Variants in CCNF observed in about 807,000 individuals in gnomAD.
The protein encoded by CCNF is cyclin F.
A neutral mutation model predicts 85.4 loss-of-function variants in CCNF; 30 were observed. The observed-to-expected ratio is 0.35, with a 90% confidence interval of 0.26 to 0.48. CCNF has a LOEUF of 0.48. Ranked by LOEUF, CCNF falls within the 20% of genes least tolerant of loss-of-function variation. CCNF has a pLI of 0.99. For missense variants in CCNF, 919 were observed against 1,010.4 expected, an observed-to-expected ratio of 0.91 and a Z score of 1.23; for synonymous variants, 439 against 425.1, an observed-to-expected ratio of 1.03 and a Z score of -0.40.
intron 10 of CCNF, among the ~76,000 whole-genome samples, chr16:2,448,404 T>A (rs2065373721): frequency 6.6e-6 from 1 of 152,200 alleles, no homozygotes; most frequent in East Asian, 1.9e-4. Flanking sequence ...CCCTTTGTTA[T>A]TATTATGATG....
Position 2,455,334 on chromosome 16 carries a change from G to A in CCNF, c.1716-61G>A, listed in dbSNP as rs113528306. On this transcript the variant is annotated intron_variant, in intron 15 of 16. Transcript: ENST00000397066. ...GCGGGTGTTAGAGGCAGGTGTGGAG[G>A]GCCTGGCCTCCCAGCGCCGCCGTCC... is the stretch of plus-strand genomic sequence containing the variant. 3.8e-3 allele frequency: 5,643 copies of A among 1,490,054 alleles called. 37 individuals are homozygous for A. The highest frequency in any genetic ancestry group is 0.017 in the South Asian group (1,265 of 72,304). The allele number at this position is 1,490,054 out of a possible 1,614,324, so 92.3% of individuals were successfully genotyped here.
rs1337596521 is a variant in CCNF at position 2,457,207 on chromosome 16, G to A, written c.*187G>A. ...GCAAGCCATCAGAATGTTGAAATGAGGGTGAAGAGCTCAGATCCCTCTCTT... is the reference window on the plus strand; with the variant it reads ...GCAAGCCATCAGAATGTTGAAATGAAGGTGAAGAGCTCAGATCCCTCTCTT... On this transcript the variant is annotated 3_prime_UTR_variant, in exon 17 of 17. Transcript: ENST00000397066. 9.0e-6 allele frequency: 5 copies of A among 556,322 alleles called. No individual in the cohort carries two copies. The highest frequency in any genetic ancestry group is 1.6e-5 in the Non-Finnish European group (5 of 316,658). 34.5% of individuals were successfully genotyped at this position (556,322 alleles called of 1,614,324 possible). A position where few individuals can be genotyped will look rare whatever the true frequency, so the allele number is the denominator to read the frequency against.
rs1282773947 is a variant in CCNF at position 2,439,392 on chromosome 16, G to GCCTCAAAC, written c.634_635insCCTCAAAC (p.Glu212AlafsTer11). The GCCTCAAAC allele has an allele frequency of 6.2e-7, 1 of 1,610,254 alleles. No homozygotes were observed. The highest frequency in any genetic ancestry group is 8.5e-7 in the Non-Finnish European group (1 of 1,178,762). On this transcript the variant is annotated frameshift_variant, in exon 7 of 17. Transcript: ENST00000397066. LOFTEE classifies it high-confidence loss of function. ...GCAGCAGGCCCATGACCTGTTTGAG[G>GCCTCAAAC]AGGCTGCTCATCAGGGATGTCTGAC... is the stretch of plus-strand genomic sequence containing the variant.
rs1234514278 is a variant in CCNF at position 2,457,225 on chromosome 16, CCT to C, written c.*210_*211del. On this transcript the variant is annotated 3_prime_UTR_variant, in exon 17 of 17. Transcript: ENST00000397066. ...GAAATGAGGGTGAAGAGCTCAGATC[CCT>C]CTCTTTGGAAAGTTTAGCCTGGAAG... The C allele has an allele frequency of 1.2e-5, 6 of 519,438 alleles. No individual in the cohort carries two copies. Among genetic ancestry groups the C allele is most frequent in the South Asian group, 2.9e-5 (1 of 34,646 alleles). The allele number at this position is 519,438 out of a possible 1,614,324, so 32.2% of individuals were successfully genotyped here. A position where few individuals can be genotyped will look rare whatever the true frequency, so the allele number is the denominator to read the frequency against.
Position 2,453,485 on chromosome 16 carries a change from A to G in CCNF, c.1663A>G (p.Thr555Ala), listed in dbSNP as rs1370211710. 2 of 1,613,950 alleles carry G rather than the reference A, an allele frequency of 1.2e-6. No homozygotes were observed. Among genetic ancestry groups the G allele is most frequent in the Admixed American group, 1.7e-5 (1 of 60,002 alleles). Residue 555 changes from threonine to alanine, a missense_variant, in exon 15 of 17, where the codon ACA becomes GCA. Physicochemically the swap from Thr to Ala is moderately conservative, Grantham distance 58. This residue lies in a region of CCNF where 505 missense variants were observed against 514.8 expected (regional missense o/e 0.98). Transcript: ENST00000397066. This position sits in a 1 kb window ranked among gnomAD's most constrained non-coding sequence, Gnocchi z 5.6. ...DSPDPPTFLS[T>A]GEIHAFLSSP... ...CCCCGACCCCCCGACTTTCCTCAGCACAGGGGAGATCCACGCCTTCCTCAG... is the reference window on the plus strand; with the variant it reads ...CCCCGACCCCCCGACTTTCCTCAGCGCAGGGGAGATCCACGCCTTCCTCAG...
chr16:2,455,630 C>T (rs2065423140), intron 16 of CCNF, 66 bp downstream of exon 16: 1 of 1,516,784 alleles, frequency 6.6e-7, no homozygotes, highest in South Asian at 1.3e-5. Flanking sequence ...CCGAGGGCCT[C>T]TGGGCACCCG....
At chr16:2,440,690 A>C (rs2065316493) in intron 8 of CCNF, among the ~76,000 whole-genome samples, 1 of 152,214 alleles carries the variant, frequency 6.6e-6, no homozygotes, top group Non-Finnish European at 1.5e-5. Flanking sequence ...TGGGTGGCAG[A>C]GTGATCTGCG....
rs562145171 is a variant in CCNF, at chr16:2,458,253, C to CT, written c.*1251dup. On this transcript the variant is annotated 3_prime_UTR_variant, in exon 17 of 17. Transcript: ENST00000397066. ...CTTGGCCAGAAGTGTCCCCCAGATG[C>CT]TTTTTTTTTTTTTTTTTTGGAGACA... The CT allele has an allele frequency of 9.7e-3, 1,259 of 130,338 alleles. 3 individuals are homozygous for CT. The highest frequency in any genetic ancestry group is 0.013 in the South Asian group (53 of 4,068). 8.1% of individuals were successfully genotyped at this position (130,338 alleles called of 1,614,324 possible).
chr16:2,449,042 G>GGGGGGCCCCC, intron 11 of CCNF, 64 bp downstream of exon 11: 1 of 683,612 alleles, frequency 1.5e-6, no homozygotes, highest in Non-Finnish European at 2.7e-6. Context: ...GTGGGGGTGG[G>GGGGGGCCCCC]CATTCAGCTT....
At chr16:2,455,072 A>C (rs1349544691) in intron 15 of CCNF, among the ~76,000 whole-genome samples, 6 of 151,478 alleles carry the variant, frequency 4.0e-5, no homozygotes, top group East Asian at 3.9e-4. Context: ...AAAAAAAAAA[A>C]AAAAAAAAAA....
intron 8 of CCNF, among the ~76,000 whole-genome samples, chr16:2,442,132 A>G (rs1166416502): frequency 1.4e-5 from 2 of 144,722 alleles, no homozygotes; most frequent in Non-Finnish European, 3.0e-5. Flanking sequence ...CAGCCTCCCA[A>G]GTAGCTGGGA....
Position 2,449,432 on chromosome 16 carries a change from C to G in CCNF, c.1369C>G (p.Leu457Val). 4 of 1,608,358 alleles carry G rather than the reference C, an allele frequency of 2.5e-6. No individual in the cohort carries two copies. The highest frequency in any genetic ancestry group is 3.4e-6 in the Non-Finnish European group (4 of 1,179,884). Residue 457 changes from leucine to valine, a missense_variant, in exon 12 of 17, where the codon CTG (leucine) becomes GTG (valine). This residue lies in a region of CCNF where 505 missense variants were observed against 514.8 expected (regional missense o/e 0.98). Transcript: ENST00000397066. Reference protein sequence around the residue: ...YAPARLAAAALLLARLTHGQT... With the variant: ...YAPARLAAAAVLLARLTHGQT... ...CCCAGCCCGCCTGGCTGCCGCAGCC[C>G]TGCTCCTGGCCAGACTGACGCACGG...
At chr16:2,431,105 AG>A (rs1567381506) in intron 1 of CCNF, 24 bp from the exon 2 acceptor site, 1 of 1,611,596 alleles carries the variant, frequency 6.2e-7, no homozygotes, top group South Asian at 1.1e-5. Context: ...CATCTTATCA[AG>A]GCTTCTGTCT....
Position 2,448,898 on chromosome 16 carries a change from C to T in CCNF, c.1138C>T (p.Leu380Phe). Residue 380 changes from leucine to phenylalanine, a missense_variant, in exon 11 of 17, where the codon CTC becomes TTC. By Grantham distance (22) the Leu-to-Phe change is conservative. Around this residue, in one of 3 missense-constraint regions of CCNF, gnomAD observed 4 missense variants for 16.9 expected, o/e 0.24. Coordinates refer to ENST00000397066, the MANE Select transcript of CCNF (RefSeq NM_001761.3). ...EILTIREAVW[L>F]TDNTYKYEDL... ...CCTGACCATCCGGGAGGCCGTATGG[C>T]TCACGGACAACACTTACAAGTACGA... 1 of 1,613,982 alleles carries T rather than the reference C, an allele frequency of 6.2e-7. No individual in the cohort carries two copies. The highest frequency in any genetic ancestry group is 1.1e-5 in the South Asian group (1 of 91,084).
At chr16:2,443,880 C>A in intron 9 of CCNF, 80 bp downstream of exon 9, 1 of 1,354,230 alleles carries the variant, frequency 7.4e-7, no homozygotes, top group Non-Finnish European at 1.0e-6. Context: ...TTCCACTTAA[C>A]CCCAGTTACC....
At chr16:2,446,604 C>T (rs1040542250) in intron 10 of CCNF, among the ~76,000 whole-genome samples, 6 of 152,234 alleles carry the variant, frequency 3.9e-5, no homozygotes, top group African/African-American at 1.4e-4. Flanking sequence ...CGAGGAAGTG[C>T]TTTCCAGACC....
intron 8 of CCNF, 137 bp from the exon 9 acceptor site, chr16:2,443,512 C>T: frequency 2.9e-6 from 2 of 694,910 alleles, no homozygotes; most frequent in East Asian, 2.6e-5. Context: ...ATCCTTGTTC[C>T]CGAAGCTTGT....
chr16:2,436,095 A>G, intron 4 of CCNF: 1 of 459,088 alleles, frequency 2.2e-6, no homozygotes. Flanking sequence ...CTCTTGTTTT[A>G]GCAAACCCTT....
At chr16:2,435,486 G>A (rs566236538) in intron 3 of CCNF, among the ~76,000 whole-genome samples, 23 of 151,038 alleles carry the variant, frequency 1.5e-4, no homozygotes, top group East Asian at 1.4e-3. Flanking sequence ...TTGGGATGCC[G>A]GGGTGGGAGA....
Sources: gnomAD v4.1 joint callset for allele counts (sites outside exome capture counted in the v4.1 genomes callset) on GRCh38, gnomAD v4.1.1 for gene constraint, gnomAD v4.1.1 regional missense constraint, Gnocchi (gnomAD v3.1) non-coding constraint, MANE v1.5 for transcripts, NCBI Gene and HGNC (gene_info 2026-07-23, HGNC 2026-07-21) for gene names.